ZC3HAV1: variants seen among roughly 807,000 people sequenced by gnomAD.
ZC3HAV1 encodes zinc finger CCCH-type antiviral protein 1.
Under a neutral mutation model 86.6 loss-of-function variants are expected in ZC3HAV1, and 41 were observed. The observed-to-expected ratio is 0.47, with a 90% CI of 0.37 to 0.61. The LOEUF (loss-of-function observed/expected upper bound fraction) is 0.61, where lower values mean the gene tolerates loss of function less well. ZC3HAV1 is among the 20% of genes least tolerant of loss of function. The pLI, the probability that ZC3HAV1 is intolerant of heterozygous loss-of-function variation, is 0.00. For missense variants in ZC3HAV1, 964 were observed against 1,141.1 expected (o/e 0.84, Z 2.24); for synonymous variants, 421 against 432.1 (o/e 0.97, Z 0.32).
rs368334164 is a variant in ZC3HAV1 at position 139,095,272 on chromosome 7, C to T, written c.309-5513G>A. Among the ~76,000 whole-genome samples the T allele has an allele frequency of 2.6e-5, 4 of 152,238 alleles. No homozygotes were observed. The South Asian group carries it at 6.2e-4, about 24-fold the overall frequency. On this transcript the variant is annotated intron_variant, in intron 1 of 12. Coordinates refer to ENST00000242351, the MANE Select transcript of ZC3HAV1 (RefSeq NM_020119.4). The stretch of plus-strand genomic sequence containing the variant: ...GAGGCTCCTACTCCCCATATTTGTA[C>T]TTCTGATATTCAAGATTAAATTGCC...
Position 139,108,028 on chromosome 7 carries a change from G to A in ZC3HAV1, c.308+996C>T, listed in dbSNP as rs1223586085. On this transcript the variant is annotated intron_variant, in intron 1 of 12. Transcript: ENST00000242351. This position sits in a 1 kb window ranked among gnomAD's most constrained non-coding sequence, Gnocchi z 4.2. ...TCACAAAAAGGACTTGGTGATGACA[G>A]ATTGTGAGGAGGATTAAAACCCTGC... 6.6e-6 allele frequency among the ~76,000 whole-genome samples: 1 copy of A among 152,168 alleles called. No individual in the cohort carries two copies. The highest frequency in any genetic ancestry group is 1.5e-5 in the Non-Finnish European group (1 of 68,028).
chr7:139,083,091 C>T (rs1011937338), intron 3 of ZC3HAV1, among the ~76,000 whole-genome samples: 1 of 151,870 alleles, frequency 6.6e-6, no homozygotes, highest in Non-Finnish European at 1.5e-5. Context: ...GTGTGAGTAG[C>T]TGCATGTATA....
intron 1 of ZC3HAV1, among the ~76,000 whole-genome samples, chr7:139,102,364 A>G (rs1403576742): frequency 6.6e-6 from 1 of 152,138 alleles, no homozygotes; most frequent in Non-Finnish European, 1.5e-5. Flanking sequence ...CCCTGACTTC[A>G]AGAGATTCTC....
At chr7:139,090,616 T>G (rs1817402060) in intron 1 of ZC3HAV1, among the ~76,000 whole-genome samples, 1 of 152,200 alleles carries the variant, frequency 6.6e-6, no homozygotes, top group African/African-American at 2.4e-5. Flanking sequence ...TCTCCTTCAT[T>G]TCCAAAATAT....
At position 139,044,887 on chromosome 7, in the gene ZC3HAV1, A is replaced by T. The variant is rs1294132045; in HGVS notation, c.*2707T>A. ...TAAAGGTTATTTCGTTCTTTCTCTTATATACAAATAAGTATTGTCATATGC... is the reference window on the plus strand; with the variant it reads ...TAAAGGTTATTTCGTTCTTTCTCTTTTATACAAATAAGTATTGTCATATGC... On this transcript the variant is annotated 3_prime_UTR_variant, in exon 13 of 13. Transcript: ENST00000242351. The T allele has an allele frequency of 2.6e-5, 4 of 152,376 alleles. No individual in the cohort carries two copies. Among genetic ancestry groups the T allele is most frequent in the African/African-American group, 9.7e-5 (4 of 41,438 alleles). 9.4% of individuals were successfully genotyped at this position (152,376 alleles called of 1,614,324 possible). A position where few individuals can be genotyped will look rare whatever the true frequency, so the allele number is the denominator to read the frequency against.
chr7:139,060,864 A>T, intron 9 of ZC3HAV1, 172 bp downstream of exon 9: 2 of 1,531,920 alleles, frequency 1.3e-6, no homozygotes, highest in Non-Finnish European at 1.8e-6. Flanking sequence ...TTTCAGTCAC[A>T]CCATGCTGCT....
intron 6 of ZC3HAV1, among the ~76,000 whole-genome samples, chr7:139,076,069 G>T (rs1380445121): frequency 1.3e-5 from 2 of 152,170 alleles, no homozygotes; most frequent in Non-Finnish European, 2.9e-5. Context: ...AGGATCTCTG[G>T]TATTAGCCAG....
intron 9 of ZC3HAV1, among the ~76,000 whole-genome samples, chr7:139,058,116 T>G (rs12666931): frequency 1.3e-5 from 2 of 150,700 alleles, no homozygotes; most frequent in African/African-American, 2.4e-5. Context: ...CTTGGGCTAG[T>G]GAGAGCAGGA....
At chr7:139,061,244 G>A (rs552059778) in intron 8 of ZC3HAV1, 106 bp from the exon 9 acceptor site, 1 of 1,044,438 alleles carries the variant, frequency 9.6e-7, no homozygotes, top group African/African-American at 1.6e-5. Context: ...ATTCAAGACT[G>A]ACCTGTATGT....
chr7:139,087,372 A>C (rs1380937989), intron 2 of ZC3HAV1, among the ~76,000 whole-genome samples: 2 of 152,044 alleles, frequency 1.3e-5, no homozygotes, highest in Non-Finnish European at 2.9e-5. Flanking sequence ...ACAGAGAGAG[A>C]CAGAGAAAGA....
chr7:139,100,895 C>T (rs1036261458), intron 1 of ZC3HAV1, among the ~76,000 whole-genome samples: 1 of 152,082 alleles, frequency 6.6e-6, no homozygotes, highest in Non-Finnish European at 1.5e-5. Flanking sequence ...GATGCGGAGC[C>T]GAGGCTGGAC....
At chr7:139,051,925 T>G (rs1285134034) in intron 12 of ZC3HAV1, among the ~76,000 whole-genome samples, 1 of 152,174 alleles carries the variant, frequency 6.6e-6, no homozygotes, top group Non-Finnish European at 1.5e-5. Context: ...TTTGAATCTG[T>G]GATAAACTAT....
chr7:139,068,345 C>A (rs1450170520), intron 7 of ZC3HAV1, among the ~76,000 whole-genome samples: 1 of 152,172 alleles, frequency 6.6e-6, no homozygotes, highest in Non-Finnish European at 1.5e-5. Context: ...CAGGCATGAG[C>A]CACTGTGCCC....
intron 7 of ZC3HAV1, among the ~76,000 whole-genome samples, chr7:139,071,745 G>A (rs914951532): frequency 6.6e-6 from 1 of 152,208 alleles, no homozygotes; most frequent in Non-Finnish European, 1.5e-5. Flanking sequence ...AGGGGTCCAG[G>A]AGACAGCTCT....
chr7:139,089,524 G>C, intron 2 of ZC3HAV1, 100 bp downstream of exon 2: 2 of 1,404,120 alleles, frequency 1.4e-6, no homozygotes, highest in Non-Finnish European at 1.9e-6. Context: ...GCAGAACCCT[G>C]GCATTAATTT....
In ZC3HAV1 at chr7:139,109,292, G is replaced by A. The variant is rs1818036985; in HGVS notation, c.40C>T (p.Leu14=). The A allele has an allele frequency of 1.2e-6, 2 of 1,609,978 alleles. No individual in the cohort carries two copies. Among genetic ancestry groups the A allele is most frequent in the Admixed American group, 1.7e-5 (1 of 59,864 alleles). ...PEVCCFITKI[L]CAHGGRMALD... ...GCCATGCGGCCCCCGTGGGCGCACA[G>A]GATTTTGGTGATGAAGCAGCACACC... is the stretch of plus-strand genomic sequence containing the variant. The change falls in exon 1 of 13, where the codon CTG becomes TTG. Residue 14 remains leucine (L), a synonymous_variant. Transcript: ENST00000242351.
chr7:139,053,238 G>A lies in ZC3HAV1; in HGVS notation c.2449+213C>T, dbSNP rs1816186724. On this transcript the variant is annotated intron_variant, in intron 12 of 12. Coordinates refer to ENST00000242351, the MANE Select transcript of ZC3HAV1 (RefSeq NM_020119.4). ...GGTCACTCCCAGAAAGAAAACAGAAGACAGGGACTAAGGTCCAGCAATCAA... is the reference window on the plus strand; with the variant it reads ...GGTCACTCCCAGAAAGAAAACAGAAAACAGGGACTAAGGTCCAGCAATCAA... 2.0e-5 allele frequency among the ~76,000 whole-genome samples: 3 copies of A among 152,100 alleles called. No individual in the cohort carries two copies. In the South Asian group the frequency reaches 6.2e-4, roughly 32 times the overall value.
At chr7:139,057,183 C>G (rs540452986) in intron 9 of ZC3HAV1, among the ~76,000 whole-genome samples, 1 of 152,068 alleles carries the variant, frequency 6.6e-6, no homozygotes, top group South Asian at 2.1e-4. Flanking sequence ...ATCCCCCTCC[C>G]CATCTCTAGA....
intron 7 of ZC3HAV1, among the ~76,000 whole-genome samples, chr7:139,069,014 T>G (rs1186544999): frequency 2.0e-5 from 3 of 152,228 alleles, no homozygotes; most frequent in African/African-American, 7.2e-5. Context: ...ACCAGGTGTT[T>G]CTATTGTAAA....
Sources: gnomAD v4.1 joint callset for allele counts (sites outside exome capture counted in the v4.1 genomes callset) on GRCh38, gnomAD v4.1.1 for gene constraint, Gnocchi (gnomAD v3.1) non-coding constraint, MANE v1.5 for transcripts, NCBI Gene and HGNC (gene_info 2026-07-23, HGNC 2026-07-21) for gene names.